GRIP1: variants seen among roughly 807,000 people sequenced by gnomAD.
GRIP1 encodes glutamate receptor-interacting protein 1.
Under a neutral mutation model 129.9 loss-of-function variants are expected in GRIP1, and 45 were observed. The observed-to-expected ratio is 0.35, with a 90% CI of 0.27 to 0.44. GRIP1 has a LOEUF of 0.44. GRIP1 is among the 20% of genes least tolerant of loss of function. GRIP1 has a pLI of 1.00. For missense variants in GRIP1, 1,196 were observed against 1,396.8 expected (o/e 0.86, Z 2.29); for synonymous variants, 530 against 520.8 (o/e 1.02, Z -0.24).
intron 7 of GRIP1, among the ~76,000 whole-genome samples, chr12:66,501,546 C>T (rs1052159664): frequency 6.6e-6 from 1 of 152,082 alleles, no homozygotes; most frequent in Non-Finnish European, 1.5e-5. Context: ...TAAAAGATGG[C>T]CTCAGACTGA....
intron 1 of GRIP1, among the ~76,000 whole-genome samples, chr12:66,749,146 T>G (rs12303212): frequency 6.6e-6 from 1 of 152,334 alleles, no homozygotes; most frequent in Non-Finnish European, 1.5e-5. Context: ...TTTATTATTA[T>G]GTTTTAATTA....
chr12:66,818,696 G>A (rs2039267948), intron 1 of GRIP1, among the ~76,000 whole-genome samples: 1 of 152,130 alleles, frequency 6.6e-6, no homozygotes, highest in Non-Finnish European at 1.5e-5. Flanking sequence ...GGTGAAATCT[G>A]CTTTTTGTTT....
chr12:66,389,694 T>C (rs2056503990), intron 19 of GRIP1, among the ~76,000 whole-genome samples: 1 of 152,158 alleles, frequency 6.6e-6, no homozygotes, highest in Non-Finnish European at 1.5e-5. Flanking sequence ...AAAATTCTTA[T>C]GTTGAGGTAG....
At chr12:66,813,476 A>C (rs1186052162) in intron 1 of GRIP1, among the ~76,000 whole-genome samples, 1 of 152,198 alleles carries the variant, frequency 6.6e-6, no homozygotes. Context: ...TACAGTAAAT[A>C]CATCATCAAA....
intron 19 of GRIP1, among the ~76,000 whole-genome samples, chr12:66,380,163 G>C (rs1431719352): frequency 6.6e-6 from 1 of 152,054 alleles, no homozygotes; most frequent in Non-Finnish European, 1.5e-5. Flanking sequence ...ACCCACCTCG[G>C]CCTCCCAGAG....
chr12:66,395,115 C>A (rs568343621), intron 16 of GRIP1, among the ~76,000 whole-genome samples: 1 of 152,216 alleles, frequency 6.6e-6, no homozygotes, highest in Non-Finnish European at 1.5e-5. Context: ...GTTGAAGACA[C>A]TTGTGAATGT....
At chr12:66,797,950 G>C (rs1417997972) in intron 1 of GRIP1, among the ~76,000 whole-genome samples, 3 of 152,062 alleles carry the variant, frequency 2.0e-5, no homozygotes, top group Non-Finnish European at 2.9e-5. Flanking sequence ...AAACGTGGTA[G>C]TTTTCTATAA....
intron 23 of GRIP1, among the ~76,000 whole-genome samples, chr12:66,358,548 G>A (rs1211355916): frequency 6.6e-6 from 1 of 152,092 alleles, no homozygotes; most frequent in African/African-American, 2.4e-5. Flanking sequence ...CCAGGCTCAG[G>A]CGATTTCTCC....
intron 7 of GRIP1, among the ~76,000 whole-genome samples, chr12:66,477,086 T>C (rs1265730009): frequency 6.6e-6 from 1 of 152,150 alleles, no homozygotes; most frequent in Non-Finnish European, 1.5e-5. Flanking sequence ...GGAAGTCAAA[T>C]TGTCCCTGTT....
chr12:66,801,482 T>C (rs2038857228), intron 1 of GRIP1, among the ~76,000 whole-genome samples: 1 of 152,134 alleles, frequency 6.6e-6, no homozygotes, highest in South Asian at 2.1e-4. Flanking sequence ...CCTATGGACA[T>C]TTTAATTCAG....
At chr12:66,585,814 A>G (rs947705609) in intron 2 of GRIP1, among the ~76,000 whole-genome samples, 4 of 151,716 alleles carry the variant, frequency 2.6e-5, no homozygotes, top group Admixed American at 6.6e-5. Flanking sequence ...GTGAGATGGT[A>G]TCTCACTGTG....
chr12:66,731,714 G>A (rs192051829), intron 1 of GRIP1, among the ~76,000 whole-genome samples: 4 of 152,252 alleles, frequency 2.6e-5, no homozygotes, highest in Non-Finnish European at 5.9e-5. Context: ...ATGTGAAGGT[G>A]CTTAATGCCA....
At chr12:66,902,896 C>T (rs2040865901) in intron 1 of GRIP1, among the ~76,000 whole-genome samples, 4 of 152,130 alleles carry the variant, frequency 2.6e-5, no homozygotes, top group African/African-American at 9.7e-5. Flanking sequence ...TTCTTCAATG[C>T]TTGGAAGTGA....
In GRIP1 at chr12:66,829,704, G is replaced by A. The variant is rs146177394; in HGVS notation, c.59-232777C>T. The stretch of plus-strand genomic sequence containing the variant: ...TTGTGTGGCATTTTATAGCTCAAGC[G>A]CTTTCCCAAACCATTTGATCCTTCA... On this transcript the variant is annotated intron_variant, in intron 1 of 1. Coordinates refer to the GRIP1 transcript ENST00000643019. Among the ~76,000 whole-genome samples the A allele has an allele frequency of 2.8e-4, 43 of 152,274 alleles. 1 individual carries two copies. Among genetic ancestry groups the A allele is most frequent in the Admixed American group, 1.0e-3 (16 of 15,292 alleles).
At chr12:66,363,172 CAT>C (rs35931682) in intron 23 of GRIP1, among the ~76,000 whole-genome samples, 43,571 of 103,458 alleles carry the variant, frequency 0.42, 10,912 homozygotes, top group Admixed American at 0.52. Flanking sequence ...TATACACACA[CAT>C]ATATGTATAT....
chr12:66,635,051 T>C (rs1202146621), intron 1 of GRIP1, among the ~76,000 whole-genome samples: 1 of 152,228 alleles, frequency 6.6e-6, no homozygotes, highest in Non-Finnish European at 1.5e-5. Flanking sequence ...TAATGGTGTC[T>C]GGCACATAGT....
intron 1 of GRIP1, among the ~76,000 whole-genome samples, chr12:66,621,399 T>G (rs1476484563): frequency 6.6e-6 from 1 of 152,216 alleles, no homozygotes. Flanking sequence ...TAGCATAATG[T>G]CTTCCAAGTG....
At chr12:67,033,587 C>T (rs751625839) in intron 1 of GRIP1, among the ~76,000 whole-genome samples, 5 of 152,070 alleles carry the variant, frequency 3.3e-5, no homozygotes, top group Non-Finnish European at 4.4e-5. Flanking sequence ...CTCCAAATGA[C>T]GAAACTGGAG....
chr12:66,706,929 G>A (rs1034980360), intron 1 of GRIP1, among the ~76,000 whole-genome samples: 1 of 151,674 alleles, frequency 6.6e-6, no homozygotes, highest in African/African-American at 2.4e-5. Context: ...AACCACCATG[G>A]CACACAGATA....
Sources: gnomAD v4.1 joint callset for allele counts (sites outside exome capture counted in the v4.1 genomes callset) on GRCh38, gnomAD v4.1.1 for gene constraint, MANE v1.5 for transcripts, NCBI Gene and HGNC (gene_info 2026-07-23, HGNC 2026-07-21) for gene names.